The following GABRB2 variants were observed in gnomAD, a reference collection of about 807,000 sequenced individuals.
GABRB2 encodes gamma-aminobutyric acid receptor subunit beta-2.
GABRB2 carries 16 observed loss-of-function variants against 54.7 expected under a neutral mutation model. That is an observed-to-expected ratio of 0.29 (90% CI 0.20 to 0.44). GABRB2 has a LOEUF of 0.44. Among genes scored for constraint, GABRB2 ranks in the 20% least tolerant of loss-of-function variants. GABRB2 has a pLI of 1.00. For missense variants in GABRB2, 355 were observed against 644.0 expected (o/e 0.55, Z 4.86); for synonymous variants, 244 against 233.8 (o/e 1.04, Z -0.40).
At chr5:161,366,872 T>C (rs1260622483) in intron 5 of GABRB2, among the ~76,000 whole-genome samples, 5 of 152,108 alleles carry the variant, frequency 3.3e-5, no homozygotes, top group Non-Finnish European at 4.4e-5. Flanking sequence ...CGCTTGAACC[T>C]GGAAGGCAAA....
intron 9 of GABRB2, among the ~76,000 whole-genome samples, chr5:161,300,231 T>C (rs190495181): frequency 1.7e-3 from 263 of 152,314 alleles, no homozygotes; most frequent in Non-Finnish European, 3.2e-3. Flanking sequence ...TTAATCTCTT[T>C]TACTGTTTAT....
chr5:161,393,799 C>T (rs1755910245), intron 5 of GABRB2, among the ~76,000 whole-genome samples: 1 of 151,866 alleles, frequency 6.6e-6, no homozygotes, highest in African/African-American at 2.4e-5. Flanking sequence ...ATTACAAAAA[C>T]ATAGTAGGAA....
At chr5:161,488,861 G>C (rs1025874411) in intron 3 of GABRB2, among the ~76,000 whole-genome samples, 2 of 151,728 alleles carry the variant, frequency 1.3e-5, no homozygotes, top group Non-Finnish European at 2.9e-5. Context: ...GTCATTCCTA[G>C]CTAGGAAAAA....
In GABRB2 at chr5:161,332,722, C is replaced by G. The variant is rs190511193; in HGVS notation, c.833-1595G>C. On this transcript the variant is annotated intron_variant, in intron 7 of 9. Transcript: ENST00000393959. Reference sequence around the variant, plus strand: ...CCTTAAACACTATCCAATAACGCATCCTGAAGGTTAAATTTCATTCCTATG... The same window carrying G: ...CCTTAAACACTATCCAATAACGCATGCTGAAGGTTAAATTTCATTCCTATG... Among the ~76,000 whole-genome samples, 7 of 152,204 alleles carry G rather than the reference C, an allele frequency of 4.6e-5. No homozygotes were observed. In the East Asian group the frequency reaches 1.4e-3, roughly 29 times the overall value.
At chr5:161,470,077 T>G (rs1394970523) in intron 3 of GABRB2, among the ~76,000 whole-genome samples, 1 of 151,742 alleles carries the variant, frequency 6.6e-6, no homozygotes, top group Non-Finnish European at 1.5e-5. Flanking sequence ...TCATGTTTTT[T>G]TTTTAATCAT....
intron 5 of GABRB2, among the ~76,000 whole-genome samples, chr5:161,349,040 A>G (rs1205826744): frequency 6.6e-6 from 1 of 152,100 alleles, no homozygotes; most frequent in East Asian, 1.9e-4. Context: ...TCACACAAAC[A>G]AGACTCTGAA....
intron 5 of GABRB2, among the ~76,000 whole-genome samples, chr5:161,345,972 A>G (rs1754309691): frequency 6.6e-6 from 1 of 152,092 alleles, no homozygotes; most frequent in African/African-American, 2.4e-5. Context: ...TATAGTGATG[A>G]GCAGATGTCA....
chr5:161,485,419 A>G (rs1758890172), intron 3 of GABRB2, among the ~76,000 whole-genome samples: 1 of 151,998 alleles, frequency 6.6e-6, no homozygotes, highest in Non-Finnish European at 1.5e-5. Context: ...CACCAATATA[A>G]GAGAAAATGG....
intron 3 of GABRB2, among the ~76,000 whole-genome samples, chr5:161,530,179 T>C (rs944305939): frequency 6.6e-6 from 1 of 152,076 alleles, no homozygotes; most frequent in African/African-American, 2.4e-5. Context: ...GCTCCAGCAT[T>C]GTGACTATTT....
At position 161,318,003 on chromosome 5, in the gene GABRB2, C is replaced by T. The variant is rs1304285574; in HGVS notation, c.1191+8365G>A. ...AAGAAGTTCTTATAGATGCATAAAT[C>T]GTTATATATATGAAAAACTTGCAAA... is the stretch of plus-strand genomic sequence containing the variant. On this transcript the variant is annotated intron_variant, in intron 9 of 9. Coordinates refer to ENST00000393959, the MANE Select transcript of GABRB2 (RefSeq NM_001371727.1). 3.3e-5 allele frequency among the ~76,000 whole-genome samples: 5 copies of T among 151,912 alleles called. No homozygotes were observed. In the South Asian group the frequency reaches 1.0e-3, roughly 31 times the overall value.
chr5:161,339,497 A>T (rs1754089236), intron 5 of GABRB2, among the ~76,000 whole-genome samples: 1 of 152,102 alleles, frequency 6.6e-6, no homozygotes, highest in Non-Finnish European at 1.5e-5. Context: ...TTTCTTTTTG[A>T]TAAGCATTCC....
chr5:161,481,410 G>A (rs868288402), intron 3 of GABRB2, among the ~76,000 whole-genome samples: 4 of 152,006 alleles, frequency 2.6e-5, no homozygotes, highest in Admixed American at 6.6e-5. Flanking sequence ...AGAAATTGCC[G>A]TAGACAGAGG....
At chr5:161,425,939 T>C (rs1027602174) in intron 4 of GABRB2, among the ~76,000 whole-genome samples, 1 of 152,132 alleles carries the variant, frequency 6.6e-6, no homozygotes, top group Non-Finnish European at 1.5e-5. Flanking sequence ...TCATAAAGGG[T>C]AACTTGGATA....
chr5:161,374,133 G>A (rs971231896), intron 5 of GABRB2, among the ~76,000 whole-genome samples: 10 of 151,856 alleles, frequency 6.6e-5, no homozygotes, highest in Admixed American at 1.3e-4. Flanking sequence ...TAGTAGAGAC[G>A]GGGTTTCTCC....
chr5:161,447,144 C>T lies in GABRB2; in HGVS notation c.458+12480G>A, dbSNP rs186922284. 1.8e-3 allele frequency among the ~76,000 whole-genome samples: 268 copies of T among 152,134 alleles called. 1 individual carries two copies. The highest frequency in any genetic ancestry group is 6.1e-3 in the African/African-American group (255 of 41,526). On this transcript the variant is annotated intron_variant, in intron 4 of 9. Coordinates refer to ENST00000393959, the MANE Select transcript of GABRB2 (RefSeq NM_001371727.1). ...TTGTAGCTTAATCCCCTCAGTAATC[C>T]TACAAGATAGGAACTATTAAGCCCT...
intron 4 of GABRB2, among the ~76,000 whole-genome samples, chr5:161,425,580 T>C (rs1225223979): frequency 6.6e-6 from 1 of 152,146 alleles, no homozygotes; most frequent in Non-Finnish European, 1.5e-5. Flanking sequence ...CAGTATAGTG[T>C]AAGCATAACT....
At chr5:161,382,122 C>G (rs1755487725) in intron 5 of GABRB2, among the ~76,000 whole-genome samples, 1 of 151,982 alleles carries the variant, frequency 6.6e-6, no homozygotes, top group Non-Finnish European at 1.5e-5. Flanking sequence ...ATACTTGGTC[C>G]AATACATTGA....
chr5:161,327,998 T>A (rs1758419933), intron 8 of GABRB2, among the ~76,000 whole-genome samples: 2 of 152,104 alleles, frequency 1.3e-5, no homozygotes, highest in Non-Finnish European at 2.9e-5. Flanking sequence ...TCATGCTGGG[T>A]GAACAAAGAA....
intron 5 of GABRB2, among the ~76,000 whole-genome samples, chr5:161,399,881 A>G (rs1756130361): frequency 6.6e-6 from 1 of 152,164 alleles, no homozygotes. Flanking sequence ...ACACAGCACA[A>G]GATCTGGCAC....
Sources: allele counts gnomAD v4.1 joint callset (sites outside exome capture counted in the v4.1 genomes callset), GRCh38; gene constraint gnomAD v4.1.1; transcripts MANE v1.5; gene names NCBI Gene and HGNC (gene_info 2026-07-23, HGNC 2026-07-21).